RHPN2: variants seen among roughly 807,000 people sequenced by gnomAD.
The protein encoded by RHPN2 is rhophilin Rho GTPase binding protein 2.
Under a neutral mutation model 79.0 loss-of-function variants are expected in RHPN2, and 40 were observed. The observed-to-expected ratio is 0.51, with a 90% confidence interval of 0.39 to 0.66. RHPN2 has a LOEUF of 0.66. Among genes scored for constraint, RHPN2 ranks in the 30% least tolerant of loss-of-function variants. The pLI, the probability that RHPN2 is intolerant of heterozygous loss-of-function variation, is 0.00. For missense variants in RHPN2, 686 were observed against 883.5 expected (o/e 0.78, Z 2.83); for synonymous variants, 285 against 363.5 (o/e 0.78, Z 2.46).
rs897374632 is a variant in RHPN2 at position 33,050,737 on chromosome 19, G to A, written c.70-6373C>T. 2.0e-5 allele frequency among the ~76,000 whole-genome samples: 3 copies of A among 152,078 alleles called. No homozygotes were observed. In the East Asian group the frequency reaches 5.8e-4, roughly 29 times the overall value. On this transcript the variant is annotated intron_variant, in intron 1 of 14. Transcript: ENST00000254260. ...CTTGTTGCCCGGGCTGGAGCACAGT[G>A]GCGTGAACTCGGCTCACTGCAAACT... is the stretch of plus-strand genomic sequence containing the variant.
intron 2 of RHPN2, among the ~76,000 whole-genome samples, chr19:33,030,196 C>T (rs946801139): frequency 5.9e-5 from 9 of 152,164 alleles, no homozygotes; most frequent in East Asian, 1.9e-4. Context: ...TCCACACACA[C>T]GCACATTTGG....
chr19:33,049,844 A>G (rs1972172854), intron 1 of RHPN2, among the ~76,000 whole-genome samples: 1 of 152,090 alleles, frequency 6.6e-6, no homozygotes, highest in African/African-American at 2.4e-5. Flanking sequence ...GGTGGGATTT[A>G]AGACCCTGTC....
rs1413203229 is a variant in RHPN2 at position 33,010,059 on chromosome 19, G to A, written c.593+1620C>T. 3.9e-5 allele frequency among the ~76,000 whole-genome samples: 6 copies of A among 152,100 alleles called. No individual in the cohort carries two copies. In the East Asian group the frequency reaches 5.8e-4, roughly 15 times the overall value. ...CTCCCAAAATGCTAGGATTACAGGCGTGAGCCACCGCACCTGGCCCTAGGA... is the reference window on the plus strand; with the variant it reads ...CTCCCAAAATGCTAGGATTACAGGCATGAGCCACCGCACCTGGCCCTAGGA... On this transcript the variant is annotated intron_variant, in intron 6 of 14. Transcript: ENST00000254260.
intron 1 of RHPN2, among the ~76,000 whole-genome samples, chr19:33,046,693 G>T (rs1448634321): frequency 6.6e-6 from 1 of 152,166 alleles, no homozygotes; most frequent in African/African-American, 2.4e-5. Flanking sequence ...CACCAATACA[G>T]GTGCTGGTCT....
chr19:33,020,663 C>T (rs1364528966), intron 4 of RHPN2, among the ~76,000 whole-genome samples: 1 of 152,094 alleles, frequency 6.6e-6, no homozygotes, highest in Admixed American at 6.6e-5. Flanking sequence ...CCACGTCCAG[C>T]TAATTTCTGT....
At chr19:33,028,063 T>A (rs1288259728) in intron 2 of RHPN2, among the ~76,000 whole-genome samples, 2 of 152,052 alleles carry the variant, frequency 1.3e-5, no homozygotes, top group Admixed American at 1.3e-4. Flanking sequence ...CACTATCTTA[T>A]ATATAGAAAA....
At chr19:32,996,994 G>C (rs6510323) in intron 10 of RHPN2, among the ~76,000 whole-genome samples, 121,623 of 152,102 alleles carry the variant, frequency 0.8, 49,493 homozygotes, top group African/African-American at 0.95. Context: ...CTCCTGGGCT[G>C]AACTGAACCT....
chr19:33,042,189 C>CAAA lies in RHPN2; in HGVS notation c.185+2057_185+2059dup, dbSNP rs111551787. 2.3e-3 allele frequency among the ~76,000 whole-genome samples: 293 copies of CAAA among 129,452 alleles called. 6 individuals are homozygous for CAAA. Among genetic ancestry groups the CAAA allele is most frequent in the East Asian group, 4.4e-3 (18 of 4,068 alleles). The allele number at this position is 129,452 out of a possible 152,430, so 84.9% of individuals were successfully genotyped here. A position where few individuals can be genotyped will look rare whatever the true frequency, so the allele number is the denominator to read the frequency against. Reference sequence around the variant, plus strand: ...GGGCAACAAGAGTGAAACTCCATCTCAAAAAAAAAAAAAAGGTGCTCAATG... The same window carrying CAAA: ...GGGCAACAAGAGTGAAACTCCATCTCAAAAAAAAAAAAAAAAAGGTGCTCAATG... On this transcript the variant is annotated intron_variant, in intron 2 of 14. Coordinates refer to ENST00000254260, the MANE Select transcript of RHPN2 (RefSeq NM_033103.5).
chr19:32,997,474 G>A (rs1971711604), intron 10 of RHPN2, among the ~76,000 whole-genome samples: 1 of 133,452 alleles, frequency 7.5e-6, no homozygotes, highest in Admixed American at 7.8e-5. Flanking sequence ...TCCTATGATG[G>A]GTGACAGAGA....
chr19:33,008,315 G>C, intron 6 of RHPN2, 135 bp from the exon 7 acceptor site: 1 of 841,740 alleles, frequency 1.2e-6, no homozygotes, highest in Non-Finnish European at 1.8e-6. Context: ...GCAGTGGTGT[G>C]ATCATAGCTT....
Sources: allele counts gnomAD v4.1 joint callset (sites outside exome capture counted in the v4.1 genomes callset), GRCh38; gene constraint gnomAD v4.1.1; transcripts MANE v1.5; gene names NCBI Gene and HGNC (gene_info 2026-07-23, HGNC 2026-07-21).